Variants in UGT2B15 observed in about 807,000 individuals in gnomAD.
The protein encoded by UGT2B15 is UDP glucuronosyltransferase family 2 member B15, also known as UDP-glucuronosyltransferase 2B15.
Under a neutral mutation model 45.9 loss-of-function variants are expected in UGT2B15, and 36 were observed. The observed-to-expected ratio is 0.78, with a 90% CI of 0.60 to 1.04. UGT2B15 has a LOEUF of 1.04. Among genes scored for constraint, UGT2B15 ranks in the 50% least tolerant of loss-of-function variants. UGT2B15 has a pLI of 0.00. For missense variants in UGT2B15, 617 were observed against 622.4 expected (o/e 0.99, Z 0.09); for synonymous variants, 219 against 216.4 (o/e 1.01, Z -0.11).
chr4:68,665,966 C>T (rs1191571002), intron 2 of UGT2B15, among the ~76,000 whole-genome samples: 94 of 152,022 alleles, frequency 6.2e-4, no homozygotes, highest in African/African-American at 2.0e-3. Flanking sequence ...AGAATCAGAT[C>T]GCTTGAACCT....
At chr4:68,663,510 A>C (rs1733024570) in intron 2 of UGT2B15, among the ~76,000 whole-genome samples, 1 of 151,984 alleles carries the variant, frequency 6.6e-6, no homozygotes, top group Non-Finnish European at 1.5e-5. Flanking sequence ...CTTCAATTCT[A>C]ATTTTTTTTG....
intron 2 of UGT2B15, among the ~76,000 whole-genome samples, chr4:68,663,594 A>T (rs1180449572): frequency 1.3e-5 from 2 of 151,574 alleles, no homozygotes; most frequent in African/African-American, 4.9e-5. Flanking sequence ...CAGTTCTTTT[A>T]GTTAGGAGTC....
At chr4:68,665,275 A>G (rs1242759108) in intron 2 of UGT2B15, among the ~76,000 whole-genome samples, 2 of 152,094 alleles carry the variant, frequency 1.3e-5, no homozygotes, top group African/African-American at 4.8e-5. Flanking sequence ...TTTTATTCTC[A>G]TTGTATATGC....
intron 4 of UGT2B15, 60 bp from the exon 5 acceptor site, chr4:68,654,316 A>G: frequency 6.4e-7 from 1 of 1,562,944 alleles, no homozygotes; most frequent in Non-Finnish European, 8.7e-7. Flanking sequence ...TTGAATAAGA[A>G]ATGCACAATA....
intron 3 of UGT2B15, among the ~76,000 whole-genome samples, chr4:68,657,963 C>T (rs1732858609): frequency 6.6e-6 from 1 of 151,870 alleles, no homozygotes; most frequent in Non-Finnish European, 1.5e-5. Context: ...ATTTTCCTTC[C>T]AGCACACCAA....
intron 1 of UGT2B15, 87 bp from the exon 2 acceptor site, chr4:68,668,275 G>T: frequency 6.3e-7 from 1 of 1,581,376 alleles, no homozygotes; most frequent in South Asian, 1.2e-5. Flanking sequence ...AAAGGACTTG[G>T]AATAACATAC....
At chr4:68,661,373 A>G (rs1732961672) in intron 3 of UGT2B15, among the ~76,000 whole-genome samples, 1 of 152,016 alleles carries the variant, frequency 6.6e-6, no homozygotes, top group Non-Finnish European at 1.5e-5. Flanking sequence ...TGTATCAGAT[A>G]TTTGGGGTTC....
chr4:68,669,885 CAT>C lies in UGT2B15; in HGVS notation c.724+8_724+9del, dbSNP rs764970781. ...GAACTTAATAAGCACCAGTTAGACA[CAT>C]GACTTACCTAGAACTTCACTATAAA... is the stretch of plus-strand genomic sequence containing the variant. On this transcript the variant is annotated splice_region_variant and intron_variant, in intron 1 of 5. Coordinates refer to ENST00000338206, the MANE Select transcript of UGT2B15 (RefSeq NM_001076.4). The C allele has an allele frequency of 2.5e-6, 4 of 1,596,428 alleles. No individual in the cohort carries two copies. In the South Asian group the frequency reaches 3.4e-5, roughly 14 times the overall value.
chr4:68,650,393 TGTG>T (rs1181950877), intron 5 of UGT2B15, among the ~76,000 whole-genome samples: 2 of 151,988 alleles, frequency 1.3e-5, no homozygotes, highest in African/African-American at 4.8e-5. Context: ...AGTGAGAACA[TGTG>T]GTGTTTGGTT....
chr4:68,654,322 C>T (rs1732742463), intron 4 of UGT2B15, 66 bp from the exon 5 acceptor site: 1 of 1,537,726 alleles, frequency 6.5e-7, no homozygotes, highest in Non-Finnish European at 8.8e-7. Flanking sequence ...AAGAAATGCA[C>T]AATATAAGGA....
intron 5 of UGT2B15, among the ~76,000 whole-genome samples, chr4:68,649,082 C>A (rs1732572409): frequency 6.6e-6 from 1 of 151,640 alleles, no homozygotes; most frequent in African/African-American, 2.4e-5. Flanking sequence ...TTTTTGTTGA[C>A]TGAATTTTTT....
At chr4:68,658,166 A>G (rs1414371102) in intron 3 of UGT2B15, among the ~76,000 whole-genome samples, 2 of 152,062 alleles carry the variant, frequency 1.3e-5, no homozygotes, top group Non-Finnish European at 2.9e-5. Context: ...TCATAAATCT[A>G]TAAGATGTAC....
At chr4:68,667,739 A>G (rs1318022649) in intron 2 of UGT2B15, among the ~76,000 whole-genome samples, 1 of 152,152 alleles carries the variant, frequency 6.6e-6, no homozygotes, top group Non-Finnish European at 1.5e-5. Context: ...TGTGGTTTGT[A>G]TTAATCACTC....
chr4:68,663,006 AC>A lies in UGT2B15; in HGVS notation c.1005+1del. Reference sequence around the variant, plus strand: ...ATCCACAGTTAAGGCACTTTATCTAACCTTTTGTGGGATCTGGGCAAGGGCT... The same window carrying A: ...ATCCACAGTTAAGGCACTTTATCTAACTTTTGTGGGATCTGGGCAAGGGCT... On this transcript the variant is annotated splice_donor_variant, in intron 3 of 5. Coordinates refer to ENST00000338206, the MANE Select transcript of UGT2B15 (RefSeq NM_001076.4). LOFTEE classifies it high-confidence loss of function. 1.4e-6 allele frequency: 2 copies of A among 1,474,344 alleles called. No homozygotes were observed. Among genetic ancestry groups the A allele is most frequent in the South Asian group, 2.4e-5 (2 of 83,188 alleles). 91.3% of individuals were successfully genotyped at this position (1,474,344 alleles called of 1,614,324 possible).
At chr4:68,668,829 C>T (rs1484596564) in intron 1 of UGT2B15, among the ~76,000 whole-genome samples, 1 of 152,128 alleles carries the variant, frequency 6.6e-6, no homozygotes, top group Non-Finnish European at 1.5e-5. Context: ...ATTACCCAGT[C>T]TCAGGTATTT....
In UGT2B15 at chr4:68,670,409, A is replaced by G. The variant is rs371557884; in HGVS notation, c.210T>C (p.Ser70=). The change falls in exon 1 of 6, where the codon TCT becomes TCC. Residue 70 remains serine (S), a synonymous_variant. Coordinates refer to ENST00000338206, the MANE Select transcript of UGT2B15 (RefSeq NM_001076.4). ...TAGGATAAACTTCTAATTTAATAGC[A>G]GATGATTTACTGGCATTGACAAGAG... ...ASTLVNASKS[S]AIKLEVYPTS... 1.7e-5 allele frequency: 28 copies of G among 1,613,638 alleles called. No homozygotes were observed. Among genetic ancestry groups the G allele is most frequent in the Middle Eastern group, 1.7e-4 (1 of 6,060 alleles).
At chr4:68,654,839 C>T (rs1732757007) in intron 4 of UGT2B15, among the ~76,000 whole-genome samples, 2 of 151,918 alleles carry the variant, frequency 1.3e-5, no homozygotes, top group African/African-American at 2.4e-5. Flanking sequence ...TATTTAAAAC[C>T]TGTGAGAGGA....
At chr4:68,659,102 G>A (rs1425651204) in intron 3 of UGT2B15, among the ~76,000 whole-genome samples, 1 of 151,980 alleles carries the variant, frequency 6.6e-6, no homozygotes, top group Non-Finnish European at 1.5e-5. Context: ...GTCAAGATTA[G>A]AATTTTATAG....
At chr4:68,664,432 A>G (rs1186402947) in intron 2 of UGT2B15, among the ~76,000 whole-genome samples, 1 of 152,066 alleles carries the variant, frequency 6.6e-6, no homozygotes, top group Non-Finnish European at 1.5e-5. Flanking sequence ...GTCATAACAA[A>G]TATACTTTCT....
Sources: allele counts gnomAD v4.1 joint callset (sites outside exome capture counted in the v4.1 genomes callset), GRCh38; gene constraint gnomAD v4.1.1; transcripts MANE v1.5; gene names NCBI Gene and HGNC (gene_info 2026-07-23, HGNC 2026-07-21).